Variants in BEND7 observed in about 807,000 individuals in gnomAD.
BEND7 encodes BEN domain-containing protein 7.
In BEND7, 28 loss-of-function variants were observed where a neutral mutation model predicts 50.9. The observed-to-expected ratio is 0.55, with a 90% CI of 0.41 to 0.75. The LOEUF is 0.75. Ranked by LOEUF, BEND7 falls within the 30% of genes least tolerant of loss-of-function variation. The pLI, the probability that BEND7 is intolerant of heterozygous loss-of-function variation, is 0.00. For missense variants in BEND7, 477 were observed against 491.3 expected, an observed-to-expected ratio of 0.97 and a Z score of 0.28; for synonymous variants, 170 against 183.9, an observed-to-expected ratio of 0.92 and a Z score of 0.61.
Position 13,441,477 on chromosome 10 carries a change from GTCC to G in BEND7, c.*263_*265del, listed in dbSNP as rs1291472255. 1.5e-6 allele frequency: 2 copies of G among 1,321,772 alleles called. No homozygotes were observed. Among genetic ancestry groups the G allele is most frequent in the South Asian group, 4.6e-5 (2 of 43,086 alleles). The allele number at this position is 1,321,772 out of a possible 1,614,324, so 81.9% of individuals were successfully genotyped here. On this transcript the variant is annotated 3_prime_UTR_variant, in exon 9 of 9. Coordinates refer to ENST00000466271, the MANE Select transcript of BEND7 (RefSeq NM_001369863.1). ...TCTTTGGGTTGAACAAGCTCCACCC[GTCC>G]TCAAGTGCTGAACACCCCAAGCTGT...
At chr10:13,484,437 A>G (rs1222989031) in intron 5 of BEND7, among the ~76,000 whole-genome samples, 1 of 152,226 alleles carries the variant, frequency 6.6e-6, no homozygotes, top group Non-Finnish European at 1.5e-5. Flanking sequence ...ACATCTTTGT[A>G]CGTATATTTA....
At chr10:13,517,754 A>G (rs566420202) in intron 2 of BEND7, among the ~76,000 whole-genome samples, 258 of 152,254 alleles carry the variant, frequency 1.7e-3, no homozygotes, top group African/African-American at 5.9e-3. Flanking sequence ...TGAAAAATGG[A>G]AAAGAATTTC....
chr10:13,480,753 C>T, intron 6 of BEND7, 146 bp downstream of exon 6: 1 of 1,465,998 alleles, frequency 6.8e-7, no homozygotes, highest in Non-Finnish European at 9.0e-7. Context: ...TTACAGAGCT[C>T]ACACCCGAAA....
intron 5 of BEND7, among the ~76,000 whole-genome samples, chr10:13,490,615 C>T (rs775274971): frequency 6.6e-6 from 1 of 152,176 alleles, no homozygotes; most frequent in African/African-American, 2.4e-5. Flanking sequence ...GTTCTAGCTA[C>T]GGTTCTAAGA....
At chr10:13,470,930 G>T (rs2074758150) in intron 6 of BEND7, among the ~76,000 whole-genome samples, 1 of 152,184 alleles carries the variant, frequency 6.6e-6, no homozygotes, top group African/African-American at 2.4e-5. Context: ...AGTTCTGGAG[G>T]CAAAAGGCTT....
chr10:13,472,595 G>A (rs1296093279), intron 6 of BEND7, among the ~76,000 whole-genome samples: 10 of 150,750 alleles, frequency 6.6e-5, no homozygotes, highest in African/African-American at 2.0e-4. Flanking sequence ...GTTGATACCC[G>A]TCATCACTGT....
chr10:13,446,936 C>G (rs1035128547), intron 8 of BEND7: 1 of 326,538 alleles, frequency 3.1e-6, no homozygotes, highest in Admixed American at 5.0e-5. Flanking sequence ...TAGTGGTCCC[C>G]GTTTTAAGGT....
chr10:13,493,672 C>T (rs568012108), intron 4 of BEND7, among the ~76,000 whole-genome samples: 1 of 152,214 alleles, frequency 6.6e-6, no homozygotes, highest in African/African-American at 2.4e-5. Flanking sequence ...TGATTCTATA[C>T]TTAAAGAAAT....
In BEND7 at chr10:13,455,976, C is replaced by T. The variant is rs117998251; in HGVS notation, c.1064-3318G>A. On this transcript the variant is annotated intron_variant, in intron 6 of 8. Coordinates refer to ENST00000466271, the MANE Select transcript of BEND7 (RefSeq NM_001369863.1). ...CGGGAGTCTACAGGCTTTCCACCTC[C>T]GTCTCCTGCAGCTCCTTTAGGACAC... Among the ~76,000 whole-genome samples the T allele has an allele frequency of 4.3e-3, 651 of 152,250 alleles. 5 individuals carry two copies. The highest frequency in any genetic ancestry group is 7.3e-3 in the Non-Finnish European group (495 of 68,006).
intron 4 of BEND7, among the ~76,000 whole-genome samples, chr10:13,495,244 AG>A (rs1187567021): frequency 3.3e-5 from 5 of 152,230 alleles, no homozygotes; most frequent in Non-Finnish European, 1.5e-5. Context: ...CTCCTTATTT[AG>A]GAGATGTTAA....
intron 5 of BEND7, among the ~76,000 whole-genome samples, chr10:13,485,859 A>G (rs1419924610): frequency 6.6e-6 from 1 of 152,182 alleles, no homozygotes; most frequent in East Asian, 1.9e-4. Context: ...AATCACTATT[A>G]TCATTTATTT....
intron 6 of BEND7, among the ~76,000 whole-genome samples, chr10:13,480,268 G>C (rs2075764044): frequency 6.6e-6 from 1 of 152,176 alleles, no homozygotes; most frequent in African/African-American, 2.4e-5. Flanking sequence ...GCCCCTGCAT[G>C]GTCATCGTAG....
At chr10:13,471,899 A>C (rs1722400884) in intron 6 of BEND7, among the ~76,000 whole-genome samples, 2 of 152,186 alleles carry the variant, frequency 1.3e-5, no homozygotes, top group Non-Finnish European at 2.9e-5. Context: ...TCACTGTTAG[A>C]CTTGAGGCCG....
At chr10:13,465,890 TG>T (rs2074200485) in intron 6 of BEND7, among the ~76,000 whole-genome samples, 1 of 151,962 alleles carries the variant, frequency 6.6e-6, no homozygotes, top group Non-Finnish European at 1.5e-5. Context: ...CTCTCGTGTG[TG>T]TGTGTGTGTG....
intron 4 of BEND7, 150 bp from the exon 5 acceptor site, chr10:13,493,026 A>C: frequency 1.0e-6 from 1 of 958,300 alleles, no homozygotes; most frequent in South Asian, 1.9e-5. Context: ...ACTGGACCTA[A>C]AGGTTACCAA....
At chr10:13,470,904 A>G (rs2074755179) in intron 6 of BEND7, among the ~76,000 whole-genome samples, 1 of 152,228 alleles carries the variant, frequency 6.6e-6, no homozygotes, top group Non-Finnish European at 1.5e-5. Context: ...TCCACCAATG[A>G]GCATGAGCCT....
Position 13,441,528 on chromosome 10 carries a change from C to T in BEND7, c.*215G>A. The T allele has an allele frequency of 7.2e-7, 1 of 1,391,876 alleles. No individual in the cohort carries two copies. Among genetic ancestry groups the T allele is most frequent in the Non-Finnish European group, 9.3e-7 (1 of 1,074,964 alleles). 86.2% of individuals were successfully genotyped at this position (1,391,876 alleles called of 1,614,324 possible). A position where few individuals can be genotyped will look rare whatever the true frequency, so the allele number is the denominator to read the frequency against. On this transcript the variant is annotated 3_prime_UTR_variant, in exon 9 of 9. Coordinates refer to ENST00000466271, the MANE Select transcript of BEND7 (RefSeq NM_001369863.1). ...TGTGGCCCCGCCTTGGAAGGCAGTGCTTCTGAAGGTTCCCAGCAGATCTCT... is the reference window on the plus strand; with the variant it reads ...TGTGGCCCCGCCTTGGAAGGCAGTGTTTCTGAAGGTTCCCAGCAGATCTCT...
At chr10:13,460,512 G>GC (rs548858459) in intron 6 of BEND7, among the ~76,000 whole-genome samples, 301 of 152,316 alleles carry the variant, frequency 2.0e-3, no homozygotes, top group African/African-American at 6.9e-3. Flanking sequence ...CAATCCTTCT[G>GC]CCTCAGCCTC....
intron 6 of BEND7, among the ~76,000 whole-genome samples, chr10:13,455,397 T>C (rs1187398084): frequency 6.6e-6 from 1 of 150,978 alleles, no homozygotes; most frequent in African/African-American, 2.4e-5. Context: ...GTGGTTCTCA[T>C]AAAAAGGAGG....
Sources: allele counts gnomAD v4.1 joint callset (sites outside exome capture counted in the v4.1 genomes callset), GRCh38; gene constraint gnomAD v4.1.1; transcripts MANE v1.5; gene names NCBI Gene and HGNC (gene_info 2026-07-23, HGNC 2026-07-21).